The following GRIN2A variants were observed in gnomAD, a reference collection of about 807,000 sequenced individuals.
GRIN2A encodes glutamate ionotropic receptor NMDA type subunit 2A, also known as glutamate receptor ionotropic, NMDA 2A.
In GRIN2A, 22 loss-of-function variants were observed where a neutral mutation model predicts 113.4. The observed-to-expected ratio is 0.19, with a 90% CI of 0.14 to 0.28. The LOEUF is 0.28. Ranked by LOEUF, GRIN2A falls within the 10% of genes least tolerant of loss-of-function variation. GRIN2A has a pLI of 1.00. For missense variants in GRIN2A, 1,502 were observed against 1,887.0 expected, an observed-to-expected ratio of 0.80 and a Z score of 3.78; for synonymous variants, 827 against 738.4, an observed-to-expected ratio of 1.12 and a Z score of -1.94.
intron 2 of GRIN2A, among the ~76,000 whole-genome samples, chr16:10,038,932 G>C (rs8052800): frequency 0.56 from 84,350 of 151,494 alleles, 24,335 homozygotes; most frequent in East Asian, 0.91. Flanking sequence ...CTAGATAATT[G>C]CAACTAGTCC....
intron 2 of GRIN2A, among the ~76,000 whole-genome samples, chr16:9,951,241 T>A (rs1011365815): frequency 6.6e-6 from 1 of 152,186 alleles, no homozygotes; most frequent in African/African-American, 2.4e-5. Context: ...TCTGCACTGT[T>A]TTCCTGGAGC....
intron 3 of GRIN2A, among the ~76,000 whole-genome samples, chr16:9,916,410 C>T (rs2044251303): frequency 6.6e-6 from 1 of 152,182 alleles, no homozygotes; most frequent in African/African-American, 2.4e-5. Flanking sequence ...TTCATACACC[C>T]TGAATCTGCC....
At chr16:9,774,481 G>C (rs1304573587) in intron 11 of GRIN2A, among the ~76,000 whole-genome samples, 1 of 152,118 alleles carries the variant, frequency 6.6e-6, no homozygotes, top group African/African-American at 2.4e-5. Flanking sequence ...TCATGGTCCA[G>C]GTACTCTACT....
chr16:9,821,064 G>T (rs558418918), intron 10 of GRIN2A, among the ~76,000 whole-genome samples: 1 of 152,008 alleles, frequency 6.6e-6, no homozygotes, highest in African/African-American at 2.4e-5. Flanking sequence ...CTTTAGAGGG[G>T]CCTCTGTCTC....
intron 4 of GRIN2A, among the ~76,000 whole-genome samples, chr16:9,870,594 C>T (rs56301937): frequency 0.022 from 3,267 of 150,532 alleles, 44 homozygotes; most frequent in East Asian, 0.058. Context: ...TTTTTCAGAG[C>T]GGTAAACTGA....
intron 2 of GRIN2A, among the ~76,000 whole-genome samples, chr16:10,052,624 C>T (rs73508618): frequency 3.9e-5 from 6 of 152,214 alleles, no homozygotes; most frequent in Non-Finnish European, 7.4e-5. Flanking sequence ...AAAGACCTCC[C>T]GGAAAATGTA....
chr16:9,967,459 A>T (rs1053617590), intron 2 of GRIN2A, among the ~76,000 whole-genome samples: 11 of 152,192 alleles, frequency 7.2e-5, no homozygotes, highest in African/African-American at 2.7e-4. Flanking sequence ...TAATCCCCGC[A>T]CTTTGGGAGG....
At position 10,072,502 on chromosome 16, in the gene GRIN2A, T is replaced by G. The variant is rs1328901973; in HGVS notation, c.414+107496A>C. On this transcript the variant is annotated intron_variant, in intron 2 of 12. Transcript: ENST00000330684. ...CCATGCCCTGAGTTTCTGTTTTGATTTGTCTGCACTGTGCCCTAGGATGGA... is the reference window on the plus strand; with the variant it reads ...CCATGCCCTGAGTTTCTGTTTTGATGTGTCTGCACTGTGCCCTAGGATGGA... Among the ~76,000 whole-genome samples, 7 of 152,318 alleles carry G rather than the reference T, an allele frequency of 4.6e-5. No individual in the cohort carries two copies. In the South Asian group the frequency reaches 1.0e-3, roughly 23 times the overall value.
intron 3 of GRIN2A, among the ~76,000 whole-genome samples, chr16:9,936,103 C>T (rs547012538): frequency 1.1e-4 from 16 of 152,272 alleles, no homozygotes; most frequent in South Asian, 6.2e-4. Flanking sequence ...ACTTTTCATG[C>T]GGCACCTCAA....
At chr16:9,776,059 T>C (rs1183938347) in intron 11 of GRIN2A, among the ~76,000 whole-genome samples, 2 of 152,192 alleles carry the variant, frequency 1.3e-5, no homozygotes, top group South Asian at 4.1e-4. Flanking sequence ...GAAACGCACT[T>C]ACAAGAAACT....
intron 4 of GRIN2A, among the ~76,000 whole-genome samples, chr16:9,861,608 T>C (rs1353801353): frequency 1.3e-5 from 2 of 152,242 alleles, no homozygotes; most frequent in African/African-American, 4.8e-5. Context: ...GGTTGACATA[T>C]GCTGTATCTG....
intron 2 of GRIN2A, among the ~76,000 whole-genome samples, chr16:10,174,182 G>A (rs2050099837): frequency 6.6e-6 from 1 of 152,158 alleles, no homozygotes; most frequent in Non-Finnish European, 1.5e-5. Flanking sequence ...CAGGCTGCTA[G>A]CTGTGGATGG....
chr16:10,071,986 C>G (rs541767513), intron 2 of GRIN2A, among the ~76,000 whole-genome samples: 3 of 152,324 alleles, frequency 2.0e-5, no homozygotes, highest in South Asian at 4.2e-4. Context: ...AACCAGGCAG[C>G]CTGATTCCAA....
intron 2 of GRIN2A, among the ~76,000 whole-genome samples, chr16:10,165,835 G>C (rs2049910653): frequency 6.6e-6 from 1 of 151,548 alleles, no homozygotes; most frequent in African/African-American, 2.4e-5. Context: ...GAGAAGAGAA[G>C]AGGAAAAACT....
At chr16:9,851,037 C>G (rs966091930) in intron 4 of GRIN2A, among the ~76,000 whole-genome samples, 5 of 152,102 alleles carry the variant, frequency 3.3e-5, no homozygotes, top group Non-Finnish European at 5.9e-5. Context: ...CAAATCCAGG[C>G]TTGTCTGTGT....
chr16:9,991,162 A>T lies in GRIN2A; in HGVS notation c.415-52611T>A, dbSNP rs565832912. On this transcript the variant is annotated intron_variant, in intron 2 of 12. Transcript: ENST00000330684. Reference sequence around the variant, plus strand: ...AAAAGGCAAATGCCTGGTATTTCTTAATGAAACACTACACTCAGCACATTA... The same window carrying T: ...AAAAGGCAAATGCCTGGTATTTCTTTATGAAACACTACACTCAGCACATTA... 7.9e-5 allele frequency among the ~76,000 whole-genome samples: 12 copies of T among 152,368 alleles called. No homozygotes were observed. The South Asian group carries it at 2.5e-3, about 32-fold the overall frequency.
At chr16:10,104,762 G>A (rs2048462714) in intron 2 of GRIN2A, among the ~76,000 whole-genome samples, 2 of 152,130 alleles carry the variant, frequency 1.3e-5, no homozygotes, top group African/African-American at 4.8e-5. Context: ...CAATCCCTTG[G>A]CTCCCATGAA....
At chr16:9,811,993 G>T (rs1327788536) in intron 10 of GRIN2A, among the ~76,000 whole-genome samples, 3 of 152,100 alleles carry the variant, frequency 2.0e-5, no homozygotes, top group Admixed American at 1.3e-4. Context: ...CAGTAGTAAA[G>T]ATTTTAAAGA....
intron 2 of GRIN2A, among the ~76,000 whole-genome samples, chr16:10,035,000 GACA>G (rs988648721): frequency 6.6e-6 from 1 of 152,130 alleles, no homozygotes; most frequent in African/African-American, 2.4e-5. Flanking sequence ...TTTACAACAT[GACA>G]ACATCTTTGA....
Sources: gnomAD v4.1 joint callset for allele counts (sites outside exome capture counted in the v4.1 genomes callset) on GRCh38, gnomAD v4.1.1 for gene constraint, MANE v1.5 for transcripts, NCBI Gene and HGNC (gene_info 2026-07-23, HGNC 2026-07-21) for gene names.